PLXNA4: variants seen among roughly 807,000 people sequenced by gnomAD.
The protein encoded by PLXNA4 is plexin A4, also known as plexin-A4.
A neutral mutation model predicts 191.8 loss-of-function variants in PLXNA4; 44 were observed. The ratio of observed to expected loss-of-function variants is 0.23; its 90% CI spans 0.18 to 0.29. The LOEUF (loss-of-function observed/expected upper bound fraction) is 0.29, where lower values mean the gene tolerates loss of function less well. Among genes scored for constraint, PLXNA4 ranks in the 10% least tolerant of loss-of-function variants. The pLI, the probability that PLXNA4 is intolerant of heterozygous loss-of-function variation, is 1.00. For synonymous variants in PLXNA4, 1,082 were observed against 1,009.5 expected (o/e 1.07, Z -1.36); for missense variants, 1,800 against 2,488.8 (o/e 0.72, Z 5.89).
chr7:132,215,202 A>C (rs1419867194), intron 9 of PLXNA4, among the ~76,000 whole-genome samples: 2 of 152,210 alleles, frequency 1.3e-5, no homozygotes, highest in Non-Finnish European at 2.9e-5. Flanking sequence ...GGGGACTGGC[A>C]GGGAGGTCCC....
chr7:132,255,709 A>G (rs1374791257), intron 4 of PLXNA4, among the ~76,000 whole-genome samples: 2 of 152,188 alleles, frequency 1.3e-5, no homozygotes, highest in African/African-American at 4.8e-5. Flanking sequence ...CCAGGCCTAA[A>G]GAACCCCTCC....
intron 3 of PLXNA4, among the ~76,000 whole-genome samples, chr7:132,377,742 T>A (rs35864226): frequency 0.011 from 1,738 of 152,262 alleles, 15 homozygotes; most frequent in Non-Finnish European, 0.019. Flanking sequence ...CAAATCCCTT[T>A]GCTCTCCAGA....
At chr7:132,293,614 C>T (rs577377403) in intron 4 of PLXNA4, among the ~76,000 whole-genome samples, 1 of 152,328 alleles carries the variant, frequency 6.6e-6, no homozygotes, top group South Asian at 2.1e-4. Context: ...TAGGCCACTG[C>T]CCTGCTGCAG....
intron 3 of PLXNA4, among the ~76,000 whole-genome samples, chr7:132,415,146 A>C (rs755613214): frequency 1.3e-5 from 2 of 152,170 alleles, no homozygotes; most frequent in East Asian, 3.9e-4. Flanking sequence ...GGATTGAGAG[A>C]TGTCCCTTGG....
At chr7:132,288,139 C>T (rs1003885752) in intron 4 of PLXNA4, among the ~76,000 whole-genome samples, 2 of 152,194 alleles carry the variant, frequency 1.3e-5, no homozygotes, top group African/African-American at 4.8e-5. Flanking sequence ...GCTCCTCCCC[C>T]AAACTGCTGG....
intron 1 of PLXNA4, among the ~76,000 whole-genome samples, chr7:132,527,801 C>T (rs1427703543): frequency 2.0e-5 from 3 of 152,168 alleles, no homozygotes; most frequent in African/African-American, 4.8e-5. Flanking sequence ...CCTCCACGCA[C>T]GTGCCCACCT....
intron 3 of PLXNA4, among the ~76,000 whole-genome samples, chr7:132,365,558 G>A (rs1218925082): frequency 1.3e-5 from 2 of 152,090 alleles, no homozygotes; most frequent in Non-Finnish European, 2.9e-5. Context: ...CATCATTCCG[G>A]AACTGTGGCT....
At chr7:132,320,373 G>A (rs75135920) in intron 3 of PLXNA4, among the ~76,000 whole-genome samples, 6 of 152,086 alleles carry the variant, frequency 3.9e-5, no homozygotes, top group South Asian at 2.1e-4. Context: ...CACATGGCCC[G>A]GGTCTCTCTG....
Position 132,645,431 on chromosome 7 carries a change from C to T in PLXNA4, c.-87+497G>A, listed in dbSNP as rs190095685. Among the ~76,000 whole-genome samples, 983 of 152,260 alleles carry T rather than the reference C, an allele frequency of 6.5e-3. 7 individuals carry two copies. The highest frequency in any genetic ancestry group is 0.01 in the Non-Finnish European group (712 of 68,010). ...GCCTTGTGAAGAAGGTGCCAGCTTC[C>T]CTTTCTGCCATGATTGTAAGTTTCC... On this transcript the variant is annotated intron_variant, in intron 2 of 4. Coordinates refer to the PLXNA4 transcript ENST00000378539.
At chr7:132,524,111 C>T (rs1029322579) in intron 1 of PLXNA4, among the ~76,000 whole-genome samples, 7 of 152,160 alleles carry the variant, frequency 4.6e-5, no homozygotes, top group African/African-American at 1.4e-4. Context: ...CGAAGTGAGG[C>T]TAAGATATCA....
intron 4 of PLXNA4, among the ~76,000 whole-genome samples, chr7:132,289,676 G>C (rs1800813935): frequency 6.6e-6 from 1 of 151,850 alleles, no homozygotes; most frequent in Non-Finnish European, 1.5e-5. Context: ...GGGACTACAG[G>C]TGCACACCAC....
intron 2 of PLXNA4, among the ~76,000 whole-genome samples, chr7:132,631,898 C>G (rs369116895): frequency 2.0e-5 from 3 of 152,206 alleles, no homozygotes; most frequent in Non-Finnish European, 2.9e-5. Context: ...TTCCTCTCAA[C>G]AAAACTCTAA....
At chr7:132,415,761 A>T (rs565723400) in intron 3 of PLXNA4, among the ~76,000 whole-genome samples, 67 of 152,302 alleles carry the variant, frequency 4.4e-4, no homozygotes, top group Non-Finnish European at 7.2e-4. Flanking sequence ...CAGTACCTGT[A>T]TTTTACAGGT....
intron 3 of PLXNA4, 102 bp from the exon 4 acceptor site, chr7:132,298,324 A>T: frequency 2.1e-6 from 3 of 1,443,052 alleles, no homozygotes; most frequent in Non-Finnish European, 2.8e-6. Flanking sequence ...AGAGGGCATG[A>T]GTTCTGTCTC....
intron 2 of PLXNA4, among the ~76,000 whole-genome samples, chr7:132,628,351 G>GCT (rs373888868): frequency 1.9e-4 from 28 of 147,258 alleles, no homozygotes; most frequent in Non-Finnish European, 3.3e-4. Flanking sequence ...TCTCTCTCTC[G>GCT]CTCTCTCTCT....
intron 25 of PLXNA4, among the ~76,000 whole-genome samples, chr7:132,155,549 A>G (rs577809430): frequency 6.6e-6 from 1 of 152,338 alleles, no homozygotes; most frequent in South Asian, 2.1e-4. Context: ...TGATGCAAAC[A>G]GGTACCTACC....
Position 132,640,649 on chromosome 7 carries a change from A to G in PLXNA4, c.-87+5279T>C, listed in dbSNP as rs549927168. ...TATGGTTTCCAAAAGTATGAGAAAA[A>G]TCAATGTTTTTCAGTTACCCAATCT... On this transcript the variant is annotated intron_variant, in intron 2 of 4. Coordinates refer to the PLXNA4 transcript ENST00000378539. Among the ~76,000 whole-genome samples, 3 of 152,298 alleles carry G rather than the reference A, an allele frequency of 2.0e-5. No individual in the cohort carries two copies. The East Asian group carries it at 5.8e-4, about 29-fold the overall frequency.
At chr7:132,546,394 TGA>T in intron 1 of PLXNA4, among the ~76,000 whole-genome samples, 1 of 152,322 alleles carries the variant, frequency 6.6e-6, no homozygotes, top group East Asian at 1.9e-4. Context: ...AGGTAGGAAC[TGA>T]GAGACTAAAA....
In PLXNA4 at chr7:132,149,538, C is replaced by T. The variant is rs28379913; in HGVS notation, c.4661-892G>A. Among the ~76,000 whole-genome samples, 883 of 152,310 alleles carry T rather than the reference C, an allele frequency of 5.8e-3. 6 individuals are homozygous for T. The highest frequency in any genetic ancestry group is 0.02 in the African/African-American group (826 of 41,552). ...TGCAGCACACACATGTATGAGCTCA[C>T]GCATCCACACATACCATTCTCATGG... is the stretch of plus-strand genomic sequence containing the variant. On this transcript the variant is annotated intron_variant, in intron 25 of 31. Transcript: ENST00000321063.
Sources: gnomAD v4.1 joint callset for allele counts (sites outside exome capture counted in the v4.1 genomes callset) on GRCh38, gnomAD v4.1.1 for gene constraint, MANE v1.5 for transcripts, NCBI Gene and HGNC (gene_info 2026-07-23, HGNC 2026-07-21) for gene names.